The following CPA6 variants were observed in gnomAD, a reference collection of about 807,000 sequenced individuals.
The protein encoded by CPA6 is carboxypeptidase B.
Under a neutral mutation model 63.3 loss-of-function variants are expected in CPA6, and 58 were observed. The observed-to-expected ratio is 0.92, with a 90% confidence interval of 0.74 to 1.14. The LOEUF (loss-of-function observed/expected upper bound fraction) is 1.14. Ranked by LOEUF, CPA6 falls within the 50% of genes most tolerant of loss-of-function variation. The probability of loss-of-function intolerance (pLI) is 0.00; values close to 1 mark genes in which losing one functional copy is unlikely to be tolerated. For missense variants in CPA6, 565 were observed against 526.6 expected (o/e 1.07, Z -0.71); for synonymous variants, 185 against 179.0 (o/e 1.03, Z -0.27).
chr8:67,692,339 A>G (rs1816830711), intron 1 of CPA6, among the ~76,000 whole-genome samples: 1 of 151,342 alleles, frequency 6.6e-6, no homozygotes, highest in African/African-American at 2.4e-5. Context: ...AAAAAAAAAA[A>G]AAAAAAAAAA....
intron 2 of CPA6, among the ~76,000 whole-genome samples, chr8:67,602,905 T>C (rs1814532590): frequency 6.6e-6 from 1 of 152,180 alleles, no homozygotes; most frequent in Admixed American, 6.5e-5. Context: ...TATAAATAAT[T>C]TGGAACCCCT....
chr8:67,710,593 C>T (rs1362544220), intron 1 of CPA6, among the ~76,000 whole-genome samples: 1 of 151,908 alleles, frequency 6.6e-6, no homozygotes, highest in Non-Finnish European at 1.5e-5. Context: ...GTCTTATGAT[C>T]TCTGTTTTAA....
At chr8:67,519,496 A>C (rs1414512731) in intron 2 of CPA6, among the ~76,000 whole-genome samples, 1 of 152,214 alleles carries the variant, frequency 6.6e-6, no homozygotes, top group East Asian at 1.9e-4. Context: ...GAACTCTAGA[A>C]GACCAAAAAT....
At chr8:67,704,318 T>C (rs929797416) in intron 1 of CPA6, among the ~76,000 whole-genome samples, 1 of 152,168 alleles carries the variant, frequency 6.6e-6, no homozygotes, top group African/African-American at 2.4e-5. Flanking sequence ...AGGTCATATT[T>C]GAAGGGAGGG....
intron 8 of CPA6, among the ~76,000 whole-genome samples, chr8:67,454,329 T>C (rs1810623070): frequency 6.6e-6 from 1 of 152,228 alleles, no homozygotes; most frequent in East Asian, 1.9e-4. Context: ...CTGGATTTTA[T>C]GTAGCTGTGT....
intron 2 of CPA6, among the ~76,000 whole-genome samples, chr8:67,573,386 CA>C (rs1177570001): frequency 1.3e-5 from 2 of 152,054 alleles, no homozygotes; most frequent in Non-Finnish European, 2.9e-5. Context: ...TAGATTCCAC[CA>C]AAAATCTGTT....
chr8:67,607,251 T>TCTTCTTCTTCTCCTCCTC (rs1554679725), intron 2 of CPA6, among the ~76,000 whole-genome samples: 3 of 81,144 alleles, frequency 3.7e-5, no homozygotes, highest in African/African-American at 1.3e-4. Flanking sequence ...TTCTTCTTCT[T>TCTTCTTCTTCTCCTCCTC]CTCCTCCTCC....
intron 8 of CPA6, chr8:67,483,546 G>A (rs143021878): frequency 3.6e-5 from 20 of 560,866 alleles, no homozygotes; most frequent in Non-Finnish European, 5.7e-5. Flanking sequence ...TTTCAGGACC[G>A]AATTGACATA....
At position 67,567,364 on chromosome 8, in the gene CPA6, C is replaced by G. The variant is rs377077584; in HGVS notation, c.193-49317G>C. ...CAAATGCATTTAAAAATTGCTCCTA[C>G]TTTGTATTGAGCTACATAATGGTGT... On this transcript the variant is annotated intron_variant, in intron 2 of 10. Transcript: ENST00000297770. Among the ~76,000 whole-genome samples the G allele has an allele frequency of 1.6e-4, 24 of 152,296 alleles. No homozygotes were observed. In the East Asian group the frequency reaches 4.2e-3, roughly 27 times the overall value.
At chr8:67,660,713 C>A (rs1563381619) in intron 1 of CPA6, among the ~76,000 whole-genome samples, 1 of 151,910 alleles carries the variant, frequency 6.6e-6, no homozygotes, top group Non-Finnish European at 1.5e-5. Context: ...AAGGAAAATG[C>A]CAAGCAGCCT....
At chr8:67,729,819 C>A (rs1441956344) in intron 1 of CPA6, among the ~76,000 whole-genome samples, 2 of 152,184 alleles carry the variant, frequency 1.3e-5, no homozygotes, top group African/African-American at 4.8e-5. Flanking sequence ...ACTTGAACTG[C>A]CCAAGCAAAA....
chr8:67,594,123 C>A (rs1359187121), intron 2 of CPA6, among the ~76,000 whole-genome samples: 2 of 151,872 alleles, frequency 1.3e-5, no homozygotes, highest in Admixed American at 6.6e-5. Flanking sequence ...TAAAGGATTT[C>A]ATTTCTCCTT....
chr8:67,704,443 T>C (rs1174218316), intron 1 of CPA6, among the ~76,000 whole-genome samples: 1 of 152,212 alleles, frequency 6.6e-6, no homozygotes, highest in East Asian at 1.9e-4. Flanking sequence ...ATGCTCTGAA[T>C]GAGAGTCACT....
intron 1 of CPA6, among the ~76,000 whole-genome samples, chr8:67,715,035 C>A (rs1345709078): frequency 6.6e-6 from 1 of 152,214 alleles, no homozygotes; most frequent in Non-Finnish European, 1.5e-5. Context: ...GAGAACTACT[C>A]TTTGGCAGCT....
At chr8:67,645,899 A>C (rs914224796) in intron 1 of CPA6, among the ~76,000 whole-genome samples, 1 of 152,168 alleles carries the variant, frequency 6.6e-6, no homozygotes, top group Non-Finnish European at 1.5e-5. Context: ...TTTCTTTGAG[A>C]AGATGGTAAT....
At chr8:67,639,700 C>T (rs1394667670) in intron 1 of CPA6, among the ~76,000 whole-genome samples, 3 of 151,576 alleles carry the variant, frequency 2.0e-5, no homozygotes, top group Non-Finnish European at 2.9e-5. Flanking sequence ...TCACCCACAA[C>T]GTGGTGAGCA....
At chr8:67,663,604 T>C (rs1306249557) in intron 1 of CPA6, among the ~76,000 whole-genome samples, 1 of 152,148 alleles carries the variant, frequency 6.6e-6, no homozygotes, top group East Asian at 1.9e-4. Context: ...CTCCCACTTA[T>C]AAATGAGAAC....
chr8:67,486,535 C>A (rs1811481426), intron 6 of CPA6, among the ~76,000 whole-genome samples: 1 of 152,186 alleles, frequency 6.6e-6, no homozygotes, highest in Admixed American at 6.5e-5. Context: ...CAGAACATAT[C>A]CTCGTTTTCA....
chr8:67,446,237 C>CAGACAGAG (rs113788065), intron 8 of CPA6, among the ~76,000 whole-genome samples: 36,910 of 149,854 alleles, frequency 0.25, 5,207 homozygotes, highest in African/African-American at 0.39. Flanking sequence ...TGCACTCCAG[C>CAGACAGAG]CTGGGAGACA....
Sources: allele counts gnomAD v4.1 joint callset (sites outside exome capture counted in the v4.1 genomes callset), GRCh38; gene constraint gnomAD v4.1.1; transcripts MANE v1.5; gene names NCBI Gene and HGNC (gene_info 2026-07-23, HGNC 2026-07-21).